Variants in ITGA9 observed in about 807,000 individuals in gnomAD.
The protein encoded by ITGA9 is integrin alpha-9.
A neutral mutation model predicts 127.8 loss-of-function variants in ITGA9; 56 were observed. The ratio of observed to expected loss-of-function variants is 0.44; its 90% confidence interval spans 0.35 to 0.55. The LOEUF is 0.55. Among genes scored for constraint, ITGA9 ranks in the 20% least tolerant of loss-of-function variants. ITGA9 has a pLI of 0.00. For missense variants in ITGA9, 1,196 were observed against 1,347.1 expected, an observed-to-expected ratio of 0.89 and a Z score of 1.76; for synonymous variants, 508 against 514.5, an observed-to-expected ratio of 0.99 and a Z score of 0.17.
intron 18 of ITGA9, among the ~76,000 whole-genome samples, chr3:37,703,130 C>T (rs1000056549): frequency 3.3e-5 from 5 of 152,212 alleles, no homozygotes; most frequent in Non-Finnish European, 7.3e-5. Context: ...CAGGTCCCCC[C>T]CTTTTTTAAT....
At chr3:37,464,504 C>T (rs1698350215) in intron 1 of ITGA9, among the ~76,000 whole-genome samples, 1 of 152,160 alleles carries the variant, frequency 6.6e-6, no homozygotes, top group African/African-American at 2.4e-5. Flanking sequence ...TTAAACCTTA[C>T]AAGAAACCTT....
At chr3:37,557,292 C>T (rs1048022742) in intron 15 of ITGA9, among the ~76,000 whole-genome samples, 2 of 152,194 alleles carry the variant, frequency 1.3e-5, no homozygotes, top group African/African-American at 4.8e-5. Context: ...TATTTCTTCC[C>T]TGACAGGTTA....
chr3:37,729,545 G>T (rs1210375571), intron 18 of ITGA9, among the ~76,000 whole-genome samples: 1 of 152,160 alleles, frequency 6.6e-6, no homozygotes, highest in African/African-American at 2.4e-5. Flanking sequence ...AAATAAGGTA[G>T]CTGAGCAGCT....
chr3:37,785,386 A>G (rs1697027652), intron 26 of ITGA9, among the ~76,000 whole-genome samples: 1 of 152,242 alleles, frequency 6.6e-6, no homozygotes, highest in Non-Finnish European at 1.5e-5. Context: ...CTGTGGAGCC[A>G]GGACTATTTA....
At chr3:37,644,176 G>T (rs1422761781) in intron 16 of ITGA9, among the ~76,000 whole-genome samples, 4 of 152,174 alleles carry the variant, frequency 2.6e-5, no homozygotes, top group Admixed American at 2.6e-4. Flanking sequence ...CTAGTCCCAG[G>T]CAGATCCAGG....
chr3:37,635,009 A>T (rs2125637872), intron 16 of ITGA9, among the ~76,000 whole-genome samples: 1 of 152,372 alleles, frequency 6.6e-6, no homozygotes, highest in East Asian at 1.9e-4. Flanking sequence ...GGGTTAATGA[A>T]ATAATTCAAA....
At chr3:37,514,073 A>G (rs1283300371) in intron 9 of ITGA9, among the ~76,000 whole-genome samples, 173 bp downstream of exon 9, 3 of 152,216 alleles carry the variant, frequency 2.0e-5, no homozygotes, top group South Asian at 2.1e-4. Context: ...GGAAAGTTAT[A>G]TACAATGTTA....
At chr3:37,538,502 A>G (rs1475454515) in intron 14 of ITGA9, among the ~76,000 whole-genome samples, 1 of 152,180 alleles carries the variant, frequency 6.6e-6, no homozygotes, top group African/African-American at 2.4e-5. Flanking sequence ...GCAGGCCCTA[A>G]TCAGAACTAG....
intron 15 of ITGA9, among the ~76,000 whole-genome samples, chr3:37,580,441 C>G (rs760954875): frequency 6.6e-6 from 1 of 152,168 alleles, no homozygotes; most frequent in East Asian, 1.9e-4. Flanking sequence ...CTGGCTGATT[C>G]ACTTTGTCCG....
Position 37,519,820 on chromosome 3 carries a change from A to G in ITGA9, c.1236+466A>G, listed in dbSNP as rs888613240. On this transcript the variant is annotated intron_variant, in intron 11 of 27. Transcript: ENST00000264741. The stretch of plus-strand genomic sequence containing the variant: ...TTAGGACTCTGCGCTTGCGCCCTAT[A>G]CTTGGGAACATGGAAGTGGTGAGTT... Among the ~76,000 whole-genome samples the G allele has an allele frequency of 7.4e-4, 113 of 152,292 alleles. 1 individual carries two copies. The highest frequency in any genetic ancestry group is 1.0e-4 in the Non-Finnish European group (7 of 68,030).
intron 15 of ITGA9, among the ~76,000 whole-genome samples, chr3:37,617,413 G>C (rs1286746739): frequency 6.6e-6 from 1 of 152,062 alleles, no homozygotes; most frequent in Non-Finnish European, 1.5e-5. Flanking sequence ...CTTCATTTCA[G>C]CTTTGGTGAA....
intron 16 of ITGA9, among the ~76,000 whole-genome samples, chr3:37,636,440 A>G (rs1022706915): frequency 1.3e-5 from 2 of 152,192 alleles, no homozygotes; most frequent in South Asian, 2.1e-4. Flanking sequence ...CTTTTGAGAA[A>G]TGTCTGTTCA....
At chr3:37,513,928 A>G in intron 9 of ITGA9, 28 bp downstream of exon 9, 1 of 1,612,114 alleles carries the variant, frequency 6.2e-7, no homozygotes, top group Non-Finnish European at 8.5e-7. Context: ...CAATGTGCGG[A>G]TGGGTGTGGG....
chr3:37,675,475 C>CT (rs1700672354), intron 17 of ITGA9, among the ~76,000 whole-genome samples: 1 of 152,212 alleles, frequency 6.6e-6, no homozygotes, highest in Non-Finnish European at 1.5e-5. Context: ...AGCTCTGCAT[C>CT]TGGGGGCGCC....
intron 22 of ITGA9, among the ~76,000 whole-genome samples, chr3:37,747,496 A>AT (rs1559586529): frequency 6.6e-6 from 1 of 151,946 alleles, no homozygotes; most frequent in South Asian, 2.1e-4. Context: ...TATTCTTTCA[A>AT]TTTTTTTAAT....
intron 14 of ITGA9, among the ~76,000 whole-genome samples, chr3:37,540,817 G>A (rs975057701): frequency 6.6e-6 from 1 of 152,194 alleles, no homozygotes; most frequent in Non-Finnish European, 1.5e-5. Context: ...GCACTTTCCT[G>A]TATGCATTAT....
chr3:37,822,018 C>G lies in ITGA9; in HGVS notation c.*3029C>G, dbSNP rs1234769984. ...CTTGGGCAGTTCACAAGCTCCTTCCCAGCTCAGAAGCCCTCTCTATGCTCT... is the reference window on the plus strand; with the variant it reads ...CTTGGGCAGTTCACAAGCTCCTTCCGAGCTCAGAAGCCCTCTCTATGCTCT... On this transcript the variant is annotated 3_prime_UTR_variant, in exon 28 of 28. Coordinates refer to ENST00000264741, the MANE Select transcript of ITGA9 (RefSeq NM_002207.3). 1 of 152,080 alleles carries G rather than the reference C, an allele frequency of 6.6e-6. No homozygotes were observed. 9.4% of individuals were successfully genotyped at this position (152,080 alleles called of 1,614,324 possible).
intron 17 of ITGA9, among the ~76,000 whole-genome samples, chr3:37,680,585 A>T (rs1700726161): frequency 6.6e-6 from 1 of 152,206 alleles, no homozygotes; most frequent in Non-Finnish European, 1.5e-5. Flanking sequence ...AGCTGATCAC[A>T]TGAACAACTA....
intron 15 of ITGA9, among the ~76,000 whole-genome samples, chr3:37,552,160 G>T (rs149710360): frequency 6.6e-6 from 1 of 152,168 alleles, no homozygotes; most frequent in Non-Finnish European, 1.5e-5. Flanking sequence ...TGGCAGTGAC[G>T]CGTCGGTGCA....
Sources: gnomAD v4.1 joint callset for allele counts (sites outside exome capture counted in the v4.1 genomes callset) on GRCh38, gnomAD v4.1.1 for gene constraint, MANE v1.5 for transcripts, NCBI Gene and HGNC (gene_info 2026-07-23, HGNC 2026-07-21) for gene names.